The following CERKL variants were observed in gnomAD, a reference collection of about 807,000 sequenced individuals.
CERKL encodes ceramide kinase-like protein.
CERKL carries 61 observed loss-of-function variants against 63.4 expected under a neutral mutation model. That is an observed-to-expected ratio of 0.96 (90% CI 0.78 to 1.19). The LOEUF (loss-of-function observed/expected upper bound fraction) is 1.19, where lower values mean the gene tolerates loss of function less well. Ranked by LOEUF, CERKL falls within the 50% of genes most tolerant of loss-of-function variation. The pLI is 0.00. For synonymous variants in CERKL, 250 were observed against 230.5 expected, an observed-to-expected ratio of 1.08 and a Z score of -0.77; for missense variants, 675 against 655.5, an observed-to-expected ratio of 1.03 and a Z score of -0.33.
intron 5 of CERKL, among the ~76,000 whole-genome samples, chr2:181,554,602 G>A (rs1688128657): frequency 4.0e-5 from 6 of 151,894 alleles, no homozygotes; most frequent in Admixed American, 3.3e-4. Context: ...TAGTTCCTTA[G>A]CACCAGTTCC....
chr2:181,572,780 C>T lies in CERKL; in HGVS notation c.613+973G>A, dbSNP rs1243773283. On this transcript the variant is annotated intron_variant, in intron 3 of 12. Transcript: ENST00000410087. Reference sequence around the variant, plus strand: ...GGGGCTGACCTTCCTACAAAACTTGCTTTTTTTTTTTTTTTGAACTTTCTT... The same window carrying T: ...GGGGCTGACCTTCCTACAAAACTTGTTTTTTTTTTTTTTTTGAACTTTCTT... Among the ~76,000 whole-genome samples the T allele has an allele frequency of 4.3e-4, 56 of 131,176 alleles. No homozygotes were observed. In the East Asian group the frequency reaches 8.0e-3, roughly 19 times the overall value. 86.1% of individuals were successfully genotyped at this position (131,176 alleles called of 152,430 possible).
At chr2:181,605,031 C>A (rs1685621626) in intron 1 of CERKL, among the ~76,000 whole-genome samples, 1 of 152,134 alleles carries the variant, frequency 6.6e-6, no homozygotes, top group Non-Finnish European at 1.5e-5. Flanking sequence ...TAATAAGAAA[C>A]TAGTTTTACC....
At chr2:181,573,524 T>C (rs997746027) in intron 3 of CERKL, among the ~76,000 whole-genome samples, 1 of 152,126 alleles carries the variant, frequency 6.6e-6, no homozygotes, top group Non-Finnish European at 1.5e-5. Context: ...ATTGTTTAAG[T>C]CTGAAAAAAT....
chr2:181,647,385 T>A (rs1042935789), intron 1 of CERKL, among the ~76,000 whole-genome samples: 1 of 152,184 alleles, frequency 6.6e-6, no homozygotes, highest in Admixed American at 6.5e-5. Context: ...AAAAGACAGC[T>A]TGTCAGCCCT....
chr2:181,587,463 C>T (rs542402367), intron 2 of CERKL, among the ~76,000 whole-genome samples: 265 of 152,256 alleles, frequency 1.7e-3, no homozygotes, highest in African/African-American at 5.4e-3. Flanking sequence ...ATCCATATAT[C>T]TTTATCATTT....
At chr2:181,613,302 C>T (rs1235513407) in intron 1 of CERKL, among the ~76,000 whole-genome samples, 3 of 152,152 alleles carry the variant, frequency 2.0e-5, no homozygotes, top group Non-Finnish European at 4.4e-5. Flanking sequence ...CACAGTTCTG[C>T]CTGCAGTCCT....
chr2:181,616,816 G>A (rs1417985202), intron 1 of CERKL, among the ~76,000 whole-genome samples: 2 of 152,142 alleles, frequency 1.3e-5, no homozygotes, highest in African/African-American at 4.8e-5. Context: ...AAAGGTAGGT[G>A]TATACACATA....
chr2:181,592,973 T>G lies in CERKL; in HGVS notation c.481+10864A>C, dbSNP rs111578473. On this transcript the variant is annotated intron_variant, in intron 2 of 12. Transcript: ENST00000410087. ...CTTGGTCTCAAAGGGCTAAAGAGTT[T>G]GGGGCTATGGATTCTATAGAAGCTC... is the stretch of plus-strand genomic sequence containing the variant. Among the ~76,000 whole-genome samples the G allele has an allele frequency of 3.9e-3, 601 of 152,248 alleles. 8 individuals carry two copies. The highest frequency in any genetic ancestry group is 0.013 in the African/African-American group (524 of 41,564).
At chr2:181,613,425 A>C (rs1686059057) in intron 1 of CERKL, among the ~76,000 whole-genome samples, 1 of 152,196 alleles carries the variant, frequency 6.6e-6, no homozygotes, top group Non-Finnish European at 1.5e-5. Context: ...GGAGGACCCA[A>C]CAGTGAAAAT....
At chr2:181,541,891 T>C (rs1687521107) in intron 11 of CERKL, among the ~76,000 whole-genome samples, 1 of 152,168 alleles carries the variant, frequency 6.6e-6, no homozygotes, top group African/African-American at 2.4e-5. Context: ...AGGTCGGCTG[T>C]AGACATGTTG....
rs1456868672 is a variant in CERKL, at chr2:181,549,682, G to A, written c.847C>T (p.Leu283Phe). The change falls in exon 6 of 13, where the codon CTT becomes TTT. Residue 283 changes from leucine to phenylalanine, a missense_variant. Coordinates refer to ENST00000410087, the MANE Select transcript of CERKL (RefSeq NM_201548.5). ...GTTATCACATGAGGAACTCCATGAA[G>A]AGAATGTGCCAATACATTGGTAGAT... ...AGSTNVLAHS[L>F]HGVPHVITAT... The A allele has an allele frequency of 6.2e-6, 10 of 1,612,428 alleles. No individual in the cohort carries two copies. The East Asian group carries it at 6.7e-5, about 11-fold the overall frequency.
rs1687144019 is a variant in CERKL at position 181,536,898 on chromosome 2, G to A, written c.*1286C>T. 3 of 453,344 alleles carry A rather than the reference G, an allele frequency of 6.6e-6. No individual in the cohort carries two copies. Among genetic ancestry groups the A allele is most frequent in the Non-Finnish European group, 1.3e-5 (3 of 226,476 alleles). The allele number at this position is 453,344 out of a possible 1,614,324, so 28.1% of individuals were successfully genotyped here. ...TCTGTTATAGGGAGTGATCAAATTA[G>A]AAGGCAATGTGGAAAAACAATTCTG... is the stretch of plus-strand genomic sequence containing the variant. On this transcript the variant is annotated 3_prime_UTR_variant, in exon 13 of 13. Coordinates refer to ENST00000410087, the MANE Select transcript of CERKL (RefSeq NM_201548.5).
intron 1 of CERKL, among the ~76,000 whole-genome samples, chr2:181,616,124 C>A (rs1686182333): frequency 6.7e-6 from 1 of 149,374 alleles, no homozygotes; most frequent in Admixed American, 6.7e-5. Context: ...TGAGATACTT[C>A]TTAAGAATGT....
At chr2:181,585,172 A>AT (rs892697979) in intron 2 of CERKL, among the ~76,000 whole-genome samples, 3 of 151,992 alleles carry the variant, frequency 2.0e-5, no homozygotes, top group Non-Finnish European at 4.4e-5. Context: ...CATTTATTTG[A>AT]TTTTTTTGAA....
At chr2:181,572,759 C>T (rs1372020826) in intron 3 of CERKL, among the ~76,000 whole-genome samples, 1 of 146,576 alleles carries the variant, frequency 6.8e-6, no homozygotes, top group Admixed American at 6.8e-5. Flanking sequence ...TTCATGGGGG[C>T]TGACCTTCCT....
intron 1 of CERKL, among the ~76,000 whole-genome samples, chr2:181,609,533 T>TTA (rs1267362169): frequency 1.4e-5 from 1 of 70,216 alleles, no homozygotes. Context: ...CTGTCTCTAC[T>TTA]AAAAAAAAAA....
chr2:181,587,192 T>C (rs1478812492), intron 2 of CERKL, among the ~76,000 whole-genome samples: 1 of 152,188 alleles, frequency 6.6e-6, no homozygotes, highest in African/African-American at 2.4e-5. Context: ...TGCAGATCTT[T>C]ACATACACAG....
At position 181,538,185 on chromosome 2, in the gene CERKL, T is replaced by C; in HGVS notation, c.1598A>G (p.Ter533=). 1 of 1,563,700 alleles carries C rather than the reference T, an allele frequency of 6.4e-7. No homozygotes were observed. Among genetic ancestry groups the C allele is most frequent in the South Asian group, 1.1e-5 (1 of 89,964 alleles). ...ATTTCTTTTAGAAACAATTACATGT[T>C]ACTTTGGAATCATTTCTTCCATGCT... ...GGSMEEMIPK[*] is the part of the protein sequence containing the mutation. The change falls in exon 13 of 13, where the codon TAA becomes TGA. Residue 533 remains the stop codon, a stop_retained_variant. Transcript: ENST00000410087.
intron 10 of CERKL, among the ~76,000 whole-genome samples, chr2:181,545,468 A>G (rs1687684871): frequency 6.6e-6 from 1 of 152,234 alleles, no homozygotes; most frequent in Admixed American, 6.5e-5. Context: ...AGAAATACAT[A>G]CAAATGACTT....
Sources: gnomAD v4.1 joint callset for allele counts (sites outside exome capture counted in the v4.1 genomes callset) on GRCh38, gnomAD v4.1.1 for gene constraint, MANE v1.5 for transcripts, NCBI Gene and HGNC (gene_info 2026-07-23, HGNC 2026-07-21) for gene names.